GOLGA8B: variants seen among roughly 807,000 people sequenced by gnomAD.
GOLGA8B encodes the protein golgin A8 family member B.
In GOLGA8B, 1 loss-of-function variant was observed where a neutral mutation model predicts 15.6. The ratio of observed to expected loss-of-function variants is 0.06; its 90% CI spans 0.02 to 0.30. The LOEUF (loss-of-function observed/expected upper bound fraction) is 0.30, where lower values mean the gene tolerates loss of function less well. Ranked by LOEUF, GOLGA8B falls within the 10% of genes least tolerant of loss-of-function variation. The probability of loss-of-function intolerance (pLI) is 1.00; values close to 1 mark genes in which losing one functional copy is unlikely to be tolerated. For missense variants in GOLGA8B, 17 were observed against 201.3 expected, an observed-to-expected ratio of 0.08 and a Z score of 5.54; for synonymous variants, 9 against 80.3, an observed-to-expected ratio of 0.11 and a Z score of 4.75.
At chr15:34,560,270 T>TA (rs1263287101) in intron 1 of GOLGA8B, among the ~76,000 whole-genome samples, 1 of 134,762 alleles carries the variant, frequency 7.4e-6, no homozygotes, top group Non-Finnish European at 1.6e-5. Context: ...ATATCCCAGA[T>TA]ATTCTACTGT....
chr15:34,569,147 G>A (rs1176628407), intron 1 of GOLGA8B, among the ~76,000 whole-genome samples: 2 of 146,402 alleles, frequency 1.4e-5, no homozygotes, highest in Non-Finnish European at 3.0e-5. Flanking sequence ...CACGCTGGCC[G>A]AGCTCCGCCT....
intron 1 of GOLGA8B, among the ~76,000 whole-genome samples, chr15:34,561,419 C>T (rs1183392306): frequency 6.9e-6 from 1 of 145,694 alleles, no homozygotes; most frequent in East Asian, 2.0e-4. Context: ...TCACTGCCCC[C>T]AGAGGAGACC....
intron 1 of GOLGA8B, among the ~76,000 whole-genome samples, chr15:34,560,188 AAC>A (rs1244982141): frequency 1.3e-5 from 2 of 149,084 alleles, no homozygotes; most frequent in African/African-American, 5.0e-5. Flanking sequence ...CATTAAAATA[AAC>A]AGATATCGTT....
chr15:34,575,786 G>C (rs935690949), intron 1 of GOLGA8B, among the ~76,000 whole-genome samples: 7 of 152,220 alleles, frequency 4.6e-5, no homozygotes, highest in Non-Finnish European at 8.8e-5. Flanking sequence ...CTTGGACCCA[G>C]AGCCAGAATG....
intron 1 of GOLGA8B, among the ~76,000 whole-genome samples, chr15:34,571,272 C>T (rs879335431): frequency 5.3e-5 from 8 of 151,754 alleles, no homozygotes; most frequent in African/African-American, 1.5e-4. Context: ...GTGTTTGCAC[C>T]GCTGCAATCC....
chr15:34,532,707 G>GGGGTCCCT (rs1888175434), intron 11 of GOLGA8B, 139 bp downstream of exon 11: 1 of 473,318 alleles, frequency 2.1e-6, no homozygotes, highest in Non-Finnish European at 4.0e-6. Flanking sequence ...CTGGGGTCCC[G>GGGGTCCCT]CCAGGTGAGG....
At position 34,525,551 on chromosome 15, in the gene GOLGA8B, G is replaced by C. The variant is rs770420724; in HGVS notation, c.*2081C>G. Reference sequence around the variant, plus strand: ...GTTTTAACTTATTTCAGAACATAAAGATAGCAGTTACACTTTTAAATATTT... The same window carrying C: ...GTTTTAACTTATTTCAGAACATAAACATAGCAGTTACACTTTTAAATATTT... On this transcript the variant is annotated 3_prime_UTR_variant, in exon 24 of 24. Coordinates refer to ENST00000683415, the MANE Select transcript of GOLGA8B (RefSeq NM_001023567.5). 2 of 149,754 alleles carry C rather than the reference G, an allele frequency of 1.3e-5. No individual in the cohort carries two copies. The highest frequency in any genetic ancestry group is 2.1e-4 in the South Asian group (1 of 4,664). The allele number at this position is 149,754 out of a possible 1,614,324, so 9.3% of individuals were successfully genotyped here.
At chr15:34,564,082 C>A (rs1423589307) in intron 1 of GOLGA8B, among the ~76,000 whole-genome samples, 1 of 140,310 alleles carries the variant, frequency 7.1e-6, no homozygotes, top group African/African-American at 2.5e-5. Flanking sequence ...TGGAAATAAT[C>A]TGGAGACATT....
intron 1 of GOLGA8B, chr15:34,556,472 CG>C (rs1325516548): frequency 1.4e-6 from 1 of 696,950 alleles, no homozygotes; most frequent in African/African-American, 1.8e-5. Flanking sequence ...TGGAGGCTAA[CG>C]GGAACACCAG....
chr15:34,554,180 G>C (rs1266482727), intron 1 of GOLGA8B, among the ~76,000 whole-genome samples: 1 of 146,216 alleles, frequency 6.8e-6, no homozygotes, highest in Non-Finnish European at 1.5e-5. Context: ...ATGAACTTGG[G>C]TGGAGATGGG....
At chr15:34,580,533 G>A (rs200867784) in intron 1 of GOLGA8B, among the ~76,000 whole-genome samples, 3 of 151,928 alleles carry the variant, frequency 2.0e-5, no homozygotes, top group Admixed American at 6.6e-5. Flanking sequence ...CCTAACTCCC[G>A]GGCCTCCCTT....
chr15:34,574,257 C>T (rs563673578), intron 1 of GOLGA8B, among the ~76,000 whole-genome samples: 1 of 152,082 alleles, frequency 6.6e-6, no homozygotes, highest in South Asian at 2.1e-4. Flanking sequence ...GTGCTCTCCA[C>T]TCCCAACCCC....
In GOLGA8B at chr15:34,544,328, T is replaced by C. The variant is rs1888260173; in HGVS notation, c.-382+530A>G. ...AACCACAAATTCTTGCTGAAAGTCA[T>C]GGTCATGGTAAAAAACCTATGGCTT... On this transcript the variant is annotated intron_variant, in intron 7 of 23. Transcript: ENST00000683415. Among the ~76,000 whole-genome samples the C allele has an allele frequency of 2.0e-5, 2 of 100,384 alleles. 1 individual carries two copies. The allele number at this position is 100,384 out of a possible 152,430, so 65.9% of individuals were successfully genotyped here.
intron 1 of GOLGA8B, among the ~76,000 whole-genome samples, chr15:34,574,490 A>C (rs1219064065): frequency 6.6e-6 from 1 of 151,730 alleles, no homozygotes; most frequent in African/African-American, 2.4e-5. Flanking sequence ...TTTTTTGTAG[A>C]GGTGAGGTCT....
At chr15:34,581,341 G>C (rs1445626972) in intron 1 of GOLGA8B, 1 of 152,456 alleles carries the variant, frequency 6.6e-6, no homozygotes, top group Non-Finnish European at 1.5e-5. Flanking sequence ...ACAAAGCCCA[G>C]CCTTATGCCA....
chr15:34,581,185 A>G (rs72726722), intron 1 of GOLGA8B, among the ~76,000 whole-genome samples: 1 of 152,178 alleles, frequency 6.6e-6, no homozygotes, highest in East Asian at 1.9e-4. Flanking sequence ...CACACCTGTT[A>G]AGTCACTGGG....
rs1285279745 is a variant in GOLGA8B, at chr15:34,526,481, C to G, written c.*1151G>C. ...GCCAGAGAGGTCTAGATAGTAAAAT[C>G]AAACTTCAAGCCTCAAAGAAGCTCC... On this transcript the variant is annotated 3_prime_UTR_variant, in exon 24 of 24. Coordinates refer to ENST00000683415, the MANE Select transcript of GOLGA8B (RefSeq NM_001023567.5). 9 of 148,698 alleles carry G rather than the reference C, an allele frequency of 6.1e-5. 1 individual carries two copies. Among genetic ancestry groups the G allele is most frequent in the Admixed American group, 3.4e-4 (5 of 14,650 alleles). 9.2% of individuals were successfully genotyped at this position (148,698 alleles called of 1,614,324 possible). A position where few individuals can be genotyped will look rare whatever the true frequency, so the allele number is the denominator to read the frequency against.
intron 1 of GOLGA8B, among the ~76,000 whole-genome samples, chr15:34,575,341 C>T (rs139235057): frequency 1.3e-5 from 2 of 151,306 alleles, no homozygotes; most frequent in African/African-American, 2.4e-5. Context: ...CCTCTCGCCT[C>T]TGGATGCACC....
chr15:34,573,646 A>T (rs2060597397), intron 1 of GOLGA8B, among the ~76,000 whole-genome samples: 2 of 152,062 alleles, frequency 1.3e-5, no homozygotes, highest in Admixed American at 1.3e-4. Context: ...TTTAAAGTCC[A>T]ATTGTGGGGA....
Sources: allele counts gnomAD v4.1 joint callset (sites outside exome capture counted in the v4.1 genomes callset), GRCh38; gene constraint gnomAD v4.1.1; transcripts MANE v1.5; gene names NCBI Gene and HGNC (gene_info 2026-07-23, HGNC 2026-07-21).